SEL1L2: variants seen among roughly 807,000 people sequenced by gnomAD.
SEL1L2 encodes the protein protein sel-1 homolog 2.
In SEL1L2, 89 loss-of-function variants were observed where a neutral mutation model predicts 98.8. The ratio of observed to expected loss-of-function variants is 0.90; its 90% CI spans 0.76 to 1.07. The LOEUF (loss-of-function observed/expected upper bound fraction) is 1.07, where lower values mean the gene tolerates loss of function less well. SEL1L2 is among the 50% of genes least tolerant of loss of function. SEL1L2 has a pLI of 0.00. For missense variants in SEL1L2, 788 were observed against 812.0 expected (o/e 0.97, Z 0.36); for synonymous variants, 262 against 278.5 (o/e 0.94, Z 0.59).
chr20:13,982,090 G>A (rs2051855545), intron 1 of SEL1L2, among the ~76,000 whole-genome samples: 1 of 152,222 alleles, frequency 6.6e-6, no homozygotes, highest in African/African-American at 2.4e-5. Flanking sequence ...GATGAGCTAT[G>A]TGCCCTTTTC....
rs1568998116 is a variant in SEL1L2 at position 13,934,448 on chromosome 20, T to TATATATATATTCC, written c.115-2690_115-2678dup. Reference sequence around the variant, plus strand: ...ATATATATTCCATATATATATTCCATATATATATATTCCATATATATATAT... The same window carrying TATATATATATTCC: ...ATATATATTCCATATATATATTCCATATATATATATTCCATATATATATTCCATATATATATAT... On this transcript the variant is annotated intron_variant, in intron 2 of 19. Coordinates refer to ENST00000284951, the MANE Select transcript of SEL1L2 (RefSeq NM_025229.2). Among the ~76,000 whole-genome samples, 14 of 49,086 alleles carry TATATATATATTCC rather than the reference T, an allele frequency of 2.9e-4. 1 individual carries two copies. The highest frequency in any genetic ancestry group is 6.5e-4 in the East Asian group (1 of 1,530). The allele number at this position is 49,086 out of a possible 152,430, so 32.2% of individuals were successfully genotyped here. A position where few individuals can be genotyped will look rare whatever the true frequency, so the allele number is the denominator to read the frequency against.
intron 2 of SEL1L2, among the ~76,000 whole-genome samples, chr20:13,943,806 G>C (rs1412401524): frequency 1.3e-5 from 2 of 152,048 alleles, no homozygotes; most frequent in Non-Finnish European, 2.9e-5. Flanking sequence ...AGAAAATGAG[G>C]GATGTGCTAT....
intron 10 of SEL1L2, among the ~76,000 whole-genome samples, chr20:13,878,386 C>T (rs1296845356): frequency 2.0e-5 from 3 of 151,932 alleles, no homozygotes; most frequent in Non-Finnish European, 4.4e-5. Flanking sequence ...TCACTGCAAC[C>T]TCCATCTTCT....
intron 14 of SEL1L2, among the ~76,000 whole-genome samples, chr20:13,869,095 C>G (rs968478931): frequency 6.6e-6 from 1 of 151,984 alleles, no homozygotes; most frequent in Non-Finnish European, 1.5e-5. Flanking sequence ...CGGAGGATCA[C>G]TAGTTATCTA....
intron 10 of SEL1L2, among the ~76,000 whole-genome samples, chr20:13,882,248 T>C (rs2047627567): frequency 6.6e-6 from 1 of 152,202 alleles, no homozygotes; most frequent in African/African-American, 2.4e-5. Context: ...ATCTTCCCTC[T>C]CCCTTATGTA....
intron 3 of SEL1L2, among the ~76,000 whole-genome samples, chr20:13,930,403 T>C (rs1448116116): frequency 6.6e-6 from 1 of 152,238 alleles, no homozygotes; most frequent in Non-Finnish European, 1.5e-5. Flanking sequence ...CATGGGGTGG[T>C]AATGCCAGTC....
chr20:13,850,215 C>A lies in SEL1L2; in HGVS notation c.1923G>T (p.Leu641Phe). ...CATTAAAAAACAGGATATCCCGGAGCAAATGCGTAGTTTCCAGTTTCATGA... is the reference window on the plus strand; with the variant it reads ...CATTAAAAAACAGGATATCCCGGAGAAAATGCGTAGTTTCCAGTTTCATGA... ...FAVMKLETTH[L>F]LRDILFFNFT... Residue 641 changes from leucine to phenylalanine, a missense_variant, in exon 19 of 20, where the codon TTG becomes TTT. Leu to Phe is a conservative substitution (Grantham distance 22, BLOSUM62 0). Transcript: ENST00000284951. The A allele has an allele frequency of 6.2e-7, 1 of 1,613,918 alleles. No individual in the cohort carries two copies. The highest frequency in any genetic ancestry group is 8.5e-7 in the Non-Finnish European group (1 of 1,179,870).
intron 10 of SEL1L2, among the ~76,000 whole-genome samples, chr20:13,884,003 G>A (rs547675909): frequency 2.0e-5 from 3 of 152,182 alleles, no homozygotes; most frequent in Admixed American, 6.5e-5. Flanking sequence ...ATCTTCAACC[G>A]AGCTGTCTTG....
chr20:13,913,701 A>G, intron 5 of SEL1L2, 81 bp downstream of exon 5: 8 of 1,255,282 alleles, frequency 6.4e-6, no homozygotes, highest in Non-Finnish European at 8.5e-6. Flanking sequence ...CTGGAATACT[A>G]TTGCTCAACT....
chr20:13,945,181 T>C (rs2049953613), intron 2 of SEL1L2, among the ~76,000 whole-genome samples: 1 of 152,168 alleles, frequency 6.6e-6, no homozygotes. Context: ...TTAGCTGCAA[T>C]TCCCAAATCC....
intron 3 of SEL1L2, among the ~76,000 whole-genome samples, chr20:13,931,223 T>C (rs769664088): frequency 2.3e-4 from 35 of 151,774 alleles, no homozygotes; most frequent in Admixed American, 9.2e-4. Context: ...TTTGTATTTT[T>C]AGTAGAGACG....
intron 18 of SEL1L2, among the ~76,000 whole-genome samples, chr20:13,854,385 T>C (rs567117784): frequency 6.6e-6 from 1 of 152,228 alleles, no homozygotes; most frequent in Admixed American, 6.5e-5. Flanking sequence ...TTGTCATATG[T>C]TTCTCGTACT....
intron 1 of SEL1L2, among the ~76,000 whole-genome samples, chr20:13,971,416 CTTTTGTTTTG>C (rs112406432): frequency 2.0e-5 from 3 of 151,620 alleles, no homozygotes; most frequent in Non-Finnish European, 2.9e-5. Context: ...TTACAATGTA[CTTTTGTTTTG>C]TTTTGTTTTG....
chr20:13,959,616 C>T (rs537843898), intron 1 of SEL1L2, among the ~76,000 whole-genome samples: 1 of 152,300 alleles, frequency 6.6e-6, no homozygotes, highest in African/African-American at 2.4e-5. Context: ...TGTCGCCAAC[C>T]GACTACCACT....
chr20:13,977,887 G>A (rs1160851047), intron 1 of SEL1L2, among the ~76,000 whole-genome samples: 1 of 152,018 alleles, frequency 6.6e-6, no homozygotes, highest in African/African-American at 2.4e-5. Context: ...ATATATTCAT[G>A]GATTGGAAAA....
At chr20:13,888,635 CTTTTT>C (rs71188192) in intron 5 of SEL1L2, 123 bp from the exon 6 acceptor site, 56 of 206,434 alleles carry the variant, frequency 2.7e-4, no homozygotes, top group East Asian at 4.4e-4. Flanking sequence ...CTTTCTTTCT[CTTTTT>C]TTTTTTTTTT....
rs1411103489 is a variant in SEL1L2, at chr20:13,866,716, T to C, written c.1390A>G (p.Arg464Gly). ...ATTATATTTACCTCCACAGCAGTTCTGCATGATCTTACTACTCCTGTTCCT... is the reference window on the plus strand; with the variant it reads ...ATTATATTTACCTCCACAGCAGTTCCGCATGATCTTACTACTCCTGTTCCT... ...ATGTGVVRSC[R>G]TAVELYKGVC... is the part of the protein sequence containing the mutation. The change falls in exon 15 of 20, where the codon AGA (arginine) becomes GGA (glycine). Residue 464 changes from arginine (R) to glycine (G), a missense_variant. Arg to Gly is a moderately radical substitution (Grantham distance 125). Coordinates refer to ENST00000284951, the MANE Select transcript of SEL1L2 (RefSeq NM_025229.2). The C allele has an allele frequency of 3.1e-6, 5 of 1,591,674 alleles. No homozygotes were observed. The highest frequency in any genetic ancestry group is 4.3e-6 in the Non-Finnish European group (5 of 1,172,126).
At chr20:13,972,072 C>A (rs555275938) in intron 1 of SEL1L2, among the ~76,000 whole-genome samples, 1 of 152,114 alleles carries the variant, frequency 6.6e-6, no homozygotes, top group Non-Finnish European at 1.5e-5. Flanking sequence ...CACACACGCC[C>A]TCTATGTTCC....
intron 1 of SEL1L2, among the ~76,000 whole-genome samples, chr20:13,959,246 G>C (rs6042456): frequency 4.6e-5 from 7 of 151,882 alleles, no homozygotes; most frequent in Non-Finnish European, 8.8e-5. Flanking sequence ...CAACGAAAAG[G>C]GGATTTTATA....
Sources: allele counts gnomAD v4.1 joint callset (sites outside exome capture counted in the v4.1 genomes callset), GRCh38; gene constraint gnomAD v4.1.1; transcripts MANE v1.5; gene names NCBI Gene and HGNC (gene_info 2026-07-23, HGNC 2026-07-21).